KCNMB2: variants seen among roughly 807,000 people sequenced by gnomAD.
The protein encoded by KCNMB2 is calcium-activated potassium channel subunit beta-2.
A neutral mutation model predicts 24.5 loss-of-function variants in KCNMB2; 9 were observed. The observed-to-expected ratio is 0.37, with a 90% confidence interval of 0.22 to 0.64. The LOEUF is 0.64. Among genes scored for constraint, KCNMB2 ranks in the 30% least tolerant of loss-of-function variants. The pLI is 0.63. For missense variants in KCNMB2, 226 were observed against 284.3 expected, an observed-to-expected ratio of 0.79 and a Z score of 1.47; for synonymous variants, 109 against 104.4, an observed-to-expected ratio of 1.04 and a Z score of -0.27.
intron 1 of KCNMB2, among the ~76,000 whole-genome samples, chr3:178,549,555 G>C (rs1316566552): frequency 7.0e-6 from 1 of 143,352 alleles, no homozygotes; most frequent in Admixed American, 7.5e-5. Flanking sequence ...TTGAATGCCT[G>C]ACCTCAGGTG....
intron 1 of KCNMB2, among the ~76,000 whole-genome samples, chr3:178,590,366 T>C (rs1319824702): frequency 2.0e-5 from 3 of 152,154 alleles, no homozygotes; most frequent in African/African-American, 4.8e-5. Flanking sequence ...TTAGTTGACA[T>C]TGGATTTAGA....
intron 1 of KCNMB2, among the ~76,000 whole-genome samples, chr3:178,598,433 C>T (rs1717956595): frequency 6.6e-6 from 1 of 151,914 alleles, no homozygotes; most frequent in African/African-American, 2.4e-5. Context: ...CACTCATTCA[C>T]TCATTCATTT....
At chr3:178,823,881 A>G (rs922254459) in intron 2 of KCNMB2, among the ~76,000 whole-genome samples, 2 of 151,592 alleles carry the variant, frequency 1.3e-5, no homozygotes, top group African/African-American at 4.9e-5. Flanking sequence ...ATCTGAAGTT[A>G]TTCTTGTGCA....
chr3:178,614,287 A>ATATATATATATATATG (rs1718616528), intron 1 of KCNMB2, among the ~76,000 whole-genome samples: 2 of 74,508 alleles, frequency 2.7e-5, no homozygotes, highest in African/African-American at 8.9e-5. Context: ...ATATATATAT[A>ATATATATATATATATG]TATATATATG....
intron 1 of KCNMB2, among the ~76,000 whole-genome samples, chr3:178,606,593 A>T (rs1718281041): frequency 6.6e-6 from 1 of 151,810 alleles, no homozygotes; most frequent in Admixed American, 6.6e-5. Flanking sequence ...TCTCTGGATG[A>T]ATCATACCTT....
intron 1 of KCNMB2, among the ~76,000 whole-genome samples, chr3:178,769,162 G>T (rs1005132194): frequency 4.6e-5 from 7 of 152,146 alleles, no homozygotes; most frequent in African/African-American, 1.7e-4. Flanking sequence ...TTCACTCATG[G>T]TGTGTATGGT....
intron 4 of KCNMB2, among the ~76,000 whole-genome samples, chr3:178,828,936 T>A (rs879539403): frequency 0.1 from 6,113 of 61,318 alleles, 155 homozygotes; most frequent in Non-Finnish European, 0.13. Context: ...TGTGTGTGTG[T>A]GTGTGTGTGT....
At chr3:178,659,045 A>T (rs896292873) in intron 1 of KCNMB2, among the ~76,000 whole-genome samples, 1 of 152,228 alleles carries the variant, frequency 6.6e-6, no homozygotes, top group African/African-American at 2.4e-5. Flanking sequence ...CAGAAGATGC[A>T]CATTTCCTTC....
At chr3:178,729,642 A>G (rs1214446875) in intron 1 of KCNMB2, among the ~76,000 whole-genome samples, 1 of 152,238 alleles carries the variant, frequency 6.6e-6, no homozygotes, top group Non-Finnish European at 1.5e-5. Flanking sequence ...TAGACTAATA[A>G]AATGACCACA....
intron 2 of KCNMB2, 106 bp downstream of exon 2, chr3:178,807,571 T>G: frequency 4.3e-6 from 4 of 927,324 alleles, no homozygotes; most frequent in Non-Finnish European, 7.0e-6. Flanking sequence ...TGCTTTGCAA[T>G]GTGGGGACAG....
At chr3:178,680,962 A>G (rs993862996) in intron 1 of KCNMB2, among the ~76,000 whole-genome samples, 1 of 152,194 alleles carries the variant, frequency 6.6e-6, no homozygotes, top group Non-Finnish European at 1.5e-5. Context: ...ATTGGGGCCA[A>G]TCAGTAGAAG....
At chr3:178,721,750 T>C (rs2108359155) in intron 1 of KCNMB2, among the ~76,000 whole-genome samples, 1 of 152,308 alleles carries the variant, frequency 6.6e-6, no homozygotes, top group East Asian at 1.9e-4. Context: ...TAATTGTCAG[T>C]GTGTTTCCGC....
chr3:178,539,578 G>A (rs1715545359), intron 1 of KCNMB2, among the ~76,000 whole-genome samples: 2 of 152,026 alleles, frequency 1.3e-5, no homozygotes, highest in Admixed American at 1.3e-4. Context: ...GCTTGTCTAA[G>A]CACAACTGAT....
chr3:178,584,329 C>T (rs1037830739), intron 1 of KCNMB2, among the ~76,000 whole-genome samples: 5 of 152,176 alleles, frequency 3.3e-5, no homozygotes, highest in African/African-American at 1.2e-4. Flanking sequence ...ATTAGTGAGG[C>T]TTAGTGGGAG....
rs547931749 is a variant in KCNMB2 at position 178,690,423 on chromosome 3, A to T, written c.-67-116920A>T. Among the ~76,000 whole-genome samples, 3 of 152,182 alleles carry T rather than the reference A, an allele frequency of 2.0e-5. No homozygotes were observed. The South Asian group carries it at 6.2e-4, about 32-fold the overall frequency. Reference sequence around the variant, plus strand: ...ACTGCCATGAAACAATGAACTGCTGATTTAGGAGAGAAGTGTGATAAATAA... The same window carrying T: ...ACTGCCATGAAACAATGAACTGCTGTTTTAGGAGAGAAGTGTGATAAATAA... On this transcript the variant is annotated intron_variant, in intron 1 of 4. Transcript: ENST00000452583.
chr3:178,625,392 C>G (rs760125232), intron 1 of KCNMB2, among the ~76,000 whole-genome samples: 1 of 152,234 alleles, frequency 6.6e-6, no homozygotes, highest in Non-Finnish European at 1.5e-5. Flanking sequence ...TTTCAGGGAC[C>G]TGGCTGGAGC....
At chr3:178,815,028 CTT>C (rs140455937) in intron 2 of KCNMB2, among the ~76,000 whole-genome samples, 39,925 of 151,150 alleles carry the variant, frequency 0.26, 7,039 homozygotes, top group African/African-American at 0.51. Flanking sequence ...TGAGCACTGT[CTT>C]TTTTTTTGTA....
chr3:178,769,368 T>C (rs553131755), intron 1 of KCNMB2, among the ~76,000 whole-genome samples: 2 of 152,188 alleles, frequency 1.3e-5, no homozygotes, highest in South Asian at 4.2e-4. Flanking sequence ...CAGGGTAAAA[T>C]GGGAAAGACC....
intron 1 of KCNMB2, among the ~76,000 whole-genome samples, chr3:178,621,178 C>T (rs1718908420): frequency 6.6e-6 from 1 of 152,076 alleles, no homozygotes; most frequent in Admixed American, 6.6e-5. Flanking sequence ...AACAATAGAG[C>T]CTGAATTCAC....
Sources: gnomAD v4.1 joint callset for allele counts (sites outside exome capture counted in the v4.1 genomes callset) on GRCh38, gnomAD v4.1.1 for gene constraint, MANE v1.5 for transcripts, NCBI Gene and HGNC (gene_info 2026-07-23, HGNC 2026-07-21) for gene names.